Variants in TTC28 observed in about 807,000 individuals in gnomAD.
TTC28 encodes the protein tetratricopeptide repeat domain 28, also known as tetratricopeptide repeat protein 28.
In TTC28, 61 loss-of-function variants were observed where a neutral mutation model predicts 198.0. The observed-to-expected ratio is 0.31, with a 90% CI of 0.25 to 0.38. The LOEUF (loss-of-function observed/expected upper bound fraction) is 0.38, where lower values mean the gene tolerates loss of function less well. TTC28 is among the 10% of genes least tolerant of loss of function. The pLI, the probability that TTC28 is intolerant of heterozygous loss-of-function variation, is 1.00. For synonymous variants in TTC28, 1,171 were observed against 1,297.8 expected (o/e 0.90, Z 2.10); for missense variants, 2,678 against 3,164.0 (o/e 0.85, Z 3.69).
chr22:28,183,413 G>A (rs1923892698), intron 5 of TTC28, among the ~76,000 whole-genome samples: 1 of 152,076 alleles, frequency 6.6e-6, no homozygotes, highest in Non-Finnish European at 1.5e-5. Context: ...TATCTTGGCT[G>A]AAGGTCAGCC....
chr22:28,381,527 T>C (rs1185841442), intron 2 of TTC28, among the ~76,000 whole-genome samples: 1 of 152,178 alleles, frequency 6.6e-6, no homozygotes, highest in African/African-American at 2.4e-5. Flanking sequence ...ATTTTTACTC[T>C]GATGATATTT....
At chr22:28,536,120 A>T (rs1334208822) in intron 2 of TTC28, among the ~76,000 whole-genome samples, 2 of 144,548 alleles carry the variant, frequency 1.4e-5, no homozygotes, top group East Asian at 4.5e-4. Context: ...AATGGCGGGA[A>T]CCCGGGAGGC....
At chr22:28,603,114 C>G (rs1369112253) in intron 2 of TTC28, among the ~76,000 whole-genome samples, 1 of 152,020 alleles carries the variant, frequency 6.6e-6, no homozygotes, top group African/African-American at 2.4e-5. Flanking sequence ...CTCTTGACCT[C>G]GTGACCCACC....
intron 2 of TTC28, among the ~76,000 whole-genome samples, chr22:28,473,320 A>T (rs1168959762): frequency 1.3e-5 from 2 of 152,160 alleles, no homozygotes; most frequent in Non-Finnish European, 2.9e-5. Context: ...TTGTAAAATG[A>T]GGTCATATTG....
chr22:28,153,043 T>C (rs1943647126), intron 6 of TTC28, among the ~76,000 whole-genome samples: 1 of 152,156 alleles, frequency 6.6e-6, no homozygotes, highest in African/African-American at 2.4e-5. Context: ...ACGATATGGA[T>C]GTGTATTATA....
At chr22:28,059,290 TTTTC>T (rs1248195101) in intron 12 of TTC28, among the ~76,000 whole-genome samples, 11 of 152,058 alleles carry the variant, frequency 7.2e-5, no homozygotes, top group African/African-American at 2.7e-4. Flanking sequence ...GATATGTCAG[TTTTC>T]TTTATCATTT....
chr22:28,354,420 A>G (rs1360089887), intron 2 of TTC28, among the ~76,000 whole-genome samples: 1 of 152,218 alleles, frequency 6.6e-6, no homozygotes, highest in Non-Finnish European at 1.5e-5. Flanking sequence ...AATAAACCAG[A>G]TACAAAAGGA....
intron 14 of TTC28, among the ~76,000 whole-genome samples, chr22:28,009,430 C>T (rs1393478994): frequency 6.6e-6 from 1 of 152,228 alleles, no homozygotes; most frequent in East Asian, 1.9e-4. Context: ...TGTGCATTCT[C>T]ACTGAAAATG....
chr22:28,502,873 C>A (rs2048556311), intron 2 of TTC28, among the ~76,000 whole-genome samples: 2 of 152,120 alleles, frequency 1.3e-5, no homozygotes, highest in Non-Finnish European at 1.5e-5. Context: ...AAAAATTCAT[C>A]ATCAAATGCC....
chr22:28,658,322 A>G (rs989477403), intron 1 of TTC28, among the ~76,000 whole-genome samples: 1 of 152,240 alleles, frequency 6.6e-6, no homozygotes, highest in African/African-American at 2.4e-5. Context: ...TCCAACTTCA[A>G]TTAGAAATAT....
At chr22:28,248,221 C>T (rs1016095713) in intron 5 of TTC28, among the ~76,000 whole-genome samples, 1 of 152,110 alleles carries the variant, frequency 6.6e-6, no homozygotes, top group Non-Finnish European at 1.5e-5. Flanking sequence ...CTGAACACAC[C>T]ACATGTGGTG....
chr22:28,076,474 G>T (rs1214301333), intron 12 of TTC28, among the ~76,000 whole-genome samples: 1 of 152,158 alleles, frequency 6.6e-6, no homozygotes, highest in Non-Finnish European at 1.5e-5. Context: ...GGAAGCTGAG[G>T]TAGGGGGGTA....
At chr22:28,500,150 C>T (rs1014779213) in intron 2 of TTC28, among the ~76,000 whole-genome samples, 6 of 152,046 alleles carry the variant, frequency 3.9e-5, no homozygotes, top group African/African-American at 1.4e-4. Flanking sequence ...ATTTATCACC[C>T]CTAAAAGTTC....
intron 2 of TTC28, among the ~76,000 whole-genome samples, chr22:28,425,627 C>T (rs1275613849): frequency 6.6e-6 from 1 of 152,130 alleles, no homozygotes; most frequent in African/African-American, 2.4e-5. Flanking sequence ...ATCAAGTGAT[C>T]AAACTGCAAT....
chr22:28,419,744 C>T (rs757257241), intron 2 of TTC28, among the ~76,000 whole-genome samples: 5 of 152,164 alleles, frequency 3.3e-5, no homozygotes, highest in Non-Finnish European at 7.4e-5. Flanking sequence ...AAATAAAAAT[C>T]TCAGAATCAT....
intron 5 of TTC28, among the ~76,000 whole-genome samples, chr22:28,227,368 A>G (rs1319583534): frequency 6.6e-6 from 1 of 152,240 alleles, no homozygotes; most frequent in Non-Finnish European, 1.5e-5. Flanking sequence ...AGCATGAGTG[A>G]CACAGCTCAA....
chr22:28,370,064 G>T (rs1255175506), intron 2 of TTC28, among the ~76,000 whole-genome samples: 2 of 152,020 alleles, frequency 1.3e-5, no homozygotes, highest in Non-Finnish European at 2.9e-5. Flanking sequence ...TGTGGCTTTG[G>T]GTGGGGCTTA....
At chr22:28,392,820 G>T (rs1014301511) in intron 2 of TTC28, among the ~76,000 whole-genome samples, 1 of 151,404 alleles carries the variant, frequency 6.6e-6, no homozygotes, top group Non-Finnish European at 1.5e-5. Flanking sequence ...GCTCACGCTG[G>T]GAGCTGTAGA....
At chr22:28,131,197 A>C (rs991387114) in intron 6 of TTC28, among the ~76,000 whole-genome samples, 1 of 152,174 alleles carries the variant, frequency 6.6e-6, no homozygotes, top group Non-Finnish European at 1.5e-5. Flanking sequence ...TATTATGTTG[A>C]AAGGCTTGGT....
Sources: allele counts gnomAD v4.1 joint callset (sites outside exome capture counted in the v4.1 genomes callset), GRCh38; gene constraint gnomAD v4.1.1; transcripts MANE v1.5; gene names NCBI Gene and HGNC (gene_info 2026-07-23, HGNC 2026-07-21).